Variants in HCN1 observed in about 807,000 individuals in gnomAD.
HCN1 encodes hyperpolarization activated cyclic nucleotide gated potassium channel 1.
A neutral mutation model predicts 78.9 loss-of-function variants in HCN1; 13 were observed. That is an observed-to-expected ratio of 0.16 (90% CI 0.11 to 0.26). HCN1 has a LOEUF of 0.26. Among genes scored for constraint, HCN1 ranks in the 10% least tolerant of loss-of-function variants. The probability of loss-of-function intolerance (pLI) is 1.00; values close to 1 mark genes in which losing one functional copy is unlikely to be tolerated. For synonymous variants in HCN1, 552 were observed against 455.5 expected, an observed-to-expected ratio of 1.21 and a Z score of -2.70; for missense variants, 810 against 1,154.3, an observed-to-expected ratio of 0.70 and a Z score of 4.32.
intron 2 of HCN1, among the ~76,000 whole-genome samples, chr5:45,540,705 C>G (rs1743085887): frequency 6.6e-6 from 1 of 152,060 alleles, no homozygotes; most frequent in African/African-American, 2.4e-5. Flanking sequence ...GTAAATAGCA[C>G]ATTTCCTTTA....
intron 3 of HCN1, among the ~76,000 whole-genome samples, chr5:45,417,588 C>A (rs12659024): frequency 6.6e-6 from 1 of 151,446 alleles, no homozygotes; most frequent in Non-Finnish European, 1.5e-5. Flanking sequence ...TGATATCCAA[C>A]ATAAAGCTGA....
At chr5:45,561,411 C>A (rs934149012) in intron 2 of HCN1, among the ~76,000 whole-genome samples, 1 of 152,010 alleles carries the variant, frequency 6.6e-6, no homozygotes, top group East Asian at 1.9e-4. Flanking sequence ...AAGTTCAATA[C>A]CATTATGGCA....
At chr5:45,644,938 T>C in intron 2 of HCN1, 2 of 535,136 alleles carry the variant, frequency 3.7e-6, no homozygotes, top group Admixed American at 7.2e-5. Flanking sequence ...TTAAAGTGCA[T>C]TTATTTAAAA....
At chr5:45,279,830 A>G (rs762377576) in intron 6 of HCN1, among the ~76,000 whole-genome samples, 16 of 152,150 alleles carry the variant, frequency 1.1e-4, no homozygotes, top group Non-Finnish European at 2.2e-4. Flanking sequence ...TAACACCCCC[A>G]AAATTAATAG....
chr5:45,345,239 C>T (rs1438096399), intron 5 of HCN1, among the ~76,000 whole-genome samples: 5 of 152,162 alleles, frequency 3.3e-5, no homozygotes, highest in African/African-American at 1.2e-4. Context: ...ACACAGCAGG[C>T]AGCCTGTGGG....
In HCN1 at chr5:45,612,935, C is replaced by T. The variant is rs546789312; in HGVS notation, c.849+32250G>A. Among the ~76,000 whole-genome samples the T allele has an allele frequency of 3.9e-5, 6 of 152,270 alleles. No individual in the cohort carries two copies. In the South Asian group the frequency reaches 1.2e-3, roughly 32 times the overall value. On this transcript the variant is annotated intron_variant, in intron 2 of 7. Coordinates refer to ENST00000303230, the MANE Select transcript of HCN1 (RefSeq NM_021072.4). ...TATTTATATTTTAAGCTATCCTCAA[C>T]TGGCAGCTATCCCTATGATGATTTT...
intron 3 of HCN1, among the ~76,000 whole-genome samples, chr5:45,420,128 G>A (rs930557621): frequency 1.3e-5 from 2 of 152,124 alleles, no homozygotes; most frequent in Admixed American, 6.5e-5. Context: ...GCAAATTTGC[G>A]AAGGGATCTG....
At chr5:45,325,164 C>T (rs149352091) in intron 5 of HCN1, among the ~76,000 whole-genome samples, 1 of 151,818 alleles carries the variant, frequency 6.6e-6, no homozygotes, top group East Asian at 1.9e-4. Context: ...CCAAAGATGA[C>T]ATTTGCATCT....
intron 4 of HCN1, among the ~76,000 whole-genome samples, chr5:45,389,834 C>T (rs1457424485): frequency 6.6e-6 from 1 of 152,058 alleles, no homozygotes; most frequent in Non-Finnish European, 1.5e-5. Flanking sequence ...AGGAATACGT[C>T]GTATCTCATG....
At chr5:45,304,449 G>A (rs1046034126) in intron 5 of HCN1, among the ~76,000 whole-genome samples, 3 of 152,110 alleles carry the variant, frequency 2.0e-5, no homozygotes, top group Non-Finnish European at 2.9e-5. Context: ...AGGCCAAGGC[G>A]GGTGGATCAC....
At chr5:45,421,688 T>C (rs1740232029) in intron 3 of HCN1, among the ~76,000 whole-genome samples, 1 of 152,208 alleles carries the variant, frequency 6.6e-6, no homozygotes, top group Non-Finnish European at 1.5e-5. Flanking sequence ...TGTTGAATGC[T>C]ATCTTAACCA....
intron 4 of HCN1, among the ~76,000 whole-genome samples, chr5:45,363,735 A>T (rs185394118): frequency 6.7e-4 from 102 of 151,920 alleles, no homozygotes; most frequent in Admixed American, 1.8e-3. Flanking sequence ...GTCTTACGAG[A>T]TCTGACGGGT....
intron 5 of HCN1, among the ~76,000 whole-genome samples, chr5:45,310,743 G>C (rs770390940): frequency 6.6e-6 from 1 of 152,060 alleles, no homozygotes; most frequent in Non-Finnish European, 1.5e-5. Context: ...ATTCAAAAGA[G>C]TAAAGACATG....
intron 2 of HCN1, among the ~76,000 whole-genome samples, chr5:45,472,420 A>G (rs1741409523): frequency 6.6e-6 from 1 of 151,646 alleles, no homozygotes; most frequent in South Asian, 2.1e-4. Flanking sequence ...TGAGCCCTAG[A>G]GGTCAAGAAT....
intron 4 of HCN1, among the ~76,000 whole-genome samples, chr5:45,370,560 A>G (rs547962772): frequency 6.6e-6 from 1 of 152,190 alleles, no homozygotes; most frequent in Non-Finnish European, 1.5e-5. Context: ...ATATAAACTA[A>G]ATGTGTAAAT....
At chr5:45,691,646 A>G (rs1423926018) in intron 1 of HCN1, among the ~76,000 whole-genome samples, 1 of 152,196 alleles carries the variant, frequency 6.6e-6, no homozygotes, top group Non-Finnish European at 1.5e-5. Context: ...CATTGCTGGC[A>G]GATACAGAGT....
At chr5:45,614,336 T>C (rs1744901670) in intron 2 of HCN1, among the ~76,000 whole-genome samples, 1 of 152,154 alleles carries the variant, frequency 6.6e-6, no homozygotes, top group African/African-American at 2.4e-5. Flanking sequence ...AAATCCGTCA[T>C]ATTAATGAAA....
chr5:45,413,850 T>G (rs990049542), intron 3 of HCN1, among the ~76,000 whole-genome samples: 2 of 151,900 alleles, frequency 1.3e-5, no homozygotes, highest in Admixed American at 6.6e-5. Flanking sequence ...GCTGAAATAT[T>G]GAAAAAAATA....
intron 6 of HCN1, among the ~76,000 whole-genome samples, chr5:45,283,176 A>G (rs529953575): frequency 1.9e-4 from 29 of 152,310 alleles, no homozygotes; most frequent in Admixed American, 1.2e-3. Context: ...TCTATCTTTA[A>G]TCTTTATTAT....
Sources: allele counts gnomAD v4.1 joint callset (sites outside exome capture counted in the v4.1 genomes callset), GRCh38; gene constraint gnomAD v4.1.1; transcripts MANE v1.5; gene names NCBI Gene and HGNC (gene_info 2026-07-23, HGNC 2026-07-21).